PIP4K2A: variants seen among roughly 807,000 people sequenced by gnomAD.
PIP4K2A encodes the protein phosphatidylinositol-5-phosphate 4-kinase type 2 alpha, also known as phosphatidylinositol 5-phosphate 4-kinase type-2 alpha.
PIP4K2A carries 14 observed loss-of-function variants against 42.9 expected under a neutral mutation model. That is an observed-to-expected ratio of 0.33 (90% CI 0.22 to 0.51). The LOEUF (loss-of-function observed/expected upper bound fraction) is 0.51. PIP4K2A is among the 20% of genes least tolerant of loss of function. The pLI is 0.97. For synonymous variants in PIP4K2A, 192 were observed against 192.2 expected (o/e 1.00, Z 0.01); for missense variants, 434 against 519.8 (o/e 0.83, Z 1.61).
At chr10:22,639,438 G>A (rs1254501928) in intron 1 of PIP4K2A, among the ~76,000 whole-genome samples, 2 of 148,026 alleles carry the variant, frequency 1.4e-5, no homozygotes, top group Admixed American at 1.3e-4. Context: ...CTCCATTTGA[G>A]AATTAGGATT....
At chr10:22,632,712 G>T (rs1288677182) in intron 1 of PIP4K2A, among the ~76,000 whole-genome samples, 1 of 152,022 alleles carries the variant, frequency 6.6e-6, no homozygotes, top group African/African-American at 2.4e-5. Flanking sequence ...TCCATGACCT[G>T]CTGAACCAGC....
intron 6 of PIP4K2A, among the ~76,000 whole-genome samples, chr10:22,551,407 T>C (rs1836408205): frequency 6.6e-6 from 1 of 152,178 alleles, no homozygotes; most frequent in Non-Finnish European, 1.5e-5. Context: ...CATAAACGTA[T>C]TAAGATCAGA....
At chr10:22,541,773 T>C (rs1836119854) in intron 8 of PIP4K2A, 31 bp downstream of exon 8, 3 of 1,505,422 alleles carry the variant, frequency 2.0e-6, no homozygotes, top group Non-Finnish European at 1.8e-6. Context: ...CCACTTCACA[T>C]GCAAAAAGGG....
chr10:22,688,835 T>C (rs1839808291), intron 1 of PIP4K2A, among the ~76,000 whole-genome samples: 1 of 152,166 alleles, frequency 6.6e-6, no homozygotes, highest in South Asian at 2.1e-4. Context: ...GTACAATTAG[T>C]GGTTTATTAT....
intron 3 of PIP4K2A, among the ~76,000 whole-genome samples, chr10:22,597,709 G>C (rs963473303): frequency 4.0e-5 from 5 of 125,792 alleles, no homozygotes; most frequent in African/African-American, 2.0e-4. Context: ...GTTAAGACCA[G>C]CTCTGCATGG....
chr10:22,577,842 C>T (rs1837160460), intron 4 of PIP4K2A, among the ~76,000 whole-genome samples: 1 of 152,202 alleles, frequency 6.6e-6, no homozygotes, highest in Non-Finnish European at 1.5e-5. Flanking sequence ...AAAAACAAAA[C>T]ACAAAACGCC....
intron 1 of PIP4K2A, among the ~76,000 whole-genome samples, chr10:22,628,714 A>G (rs1389141547): frequency 6.6e-6 from 1 of 152,206 alleles, no homozygotes; most frequent in African/African-American, 2.4e-5. Context: ...CTGATTGGCA[A>G]CTGGTTCAAA....
intron 1 of PIP4K2A, among the ~76,000 whole-genome samples, chr10:22,664,130 C>CATATATATATACATATATATATATACAT (rs1839282903): frequency 2.5e-5 from 1 of 40,216 alleles, no homozygotes; most frequent in East Asian, 4.2e-4. Context: ...TATATATATA[C>CATATATATATACATATATATATATACAT]ATATATATAT....
intron 6 of PIP4K2A, among the ~76,000 whole-genome samples, chr10:22,558,522 T>G (rs1836608896): frequency 6.6e-6 from 1 of 152,180 alleles, no homozygotes; most frequent in Non-Finnish European, 1.5e-5. Flanking sequence ...AAAGGCAAAT[T>G]AGTGGATACG....
chr10:22,574,440 TTCTG>T (rs1440386742), intron 4 of PIP4K2A, among the ~76,000 whole-genome samples: 12 of 119,412 alleles, frequency 1.0e-4, no homozygotes, highest in Admixed American at 2.3e-4. Context: ...ATTTTTCATT[TTCTG>T]TTTTTTTTTT....
At chr10:22,684,993 G>T (rs531436623) in intron 1 of PIP4K2A, among the ~76,000 whole-genome samples, 1 of 152,214 alleles carries the variant, frequency 6.6e-6, no homozygotes, top group East Asian at 1.9e-4. Flanking sequence ...TGTGGAACCC[G>T]TGCAATAACA....
chr10:22,655,981 T>C (rs994069213), intron 1 of PIP4K2A, among the ~76,000 whole-genome samples: 13 of 152,158 alleles, frequency 8.5e-5, no homozygotes, highest in Admixed American at 8.5e-4. Context: ...CATTAGCATC[T>C]TGGGGGAATC....
chr10:22,657,622 A>G (rs1186063103), intron 1 of PIP4K2A, among the ~76,000 whole-genome samples: 1 of 152,250 alleles, frequency 6.6e-6, no homozygotes, highest in Admixed American at 6.5e-5. Context: ...ATGGTAAACC[A>G]AAGAGTCTTT....
At chr10:22,611,382 CA>C (rs1838034147) in intron 1 of PIP4K2A, among the ~76,000 whole-genome samples, 1 of 147,944 alleles carries the variant, frequency 6.8e-6, no homozygotes, top group Non-Finnish European at 1.5e-5. Flanking sequence ...AGAGTGGATC[CA>C]TGTCTGTTAA....
intron 1 of PIP4K2A, among the ~76,000 whole-genome samples, chr10:22,647,795 G>A (rs1411435865): frequency 6.6e-6 from 1 of 152,126 alleles, no homozygotes; most frequent in Non-Finnish European, 1.5e-5. Context: ...ATGAAAACAG[G>A]CTACTGGCAA....
Position 22,573,469 on chromosome 10 carries a change from A to G in PIP4K2A, c.493-12T>C. On this transcript the variant is annotated splice_polypyrimidine_tract_variant and intron_variant, in intron 4 of 9. Transcript: ENST00000376573. ...CATTCCACTATGTACTGCATAGGAG[A>G]GAAAGAAAAAGGAAAAAAACATCCA... The G allele has an allele frequency of 1.3e-6, 2 of 1,594,954 alleles. No homozygotes were observed. Among genetic ancestry groups the G allele is most frequent in the Non-Finnish European group, 1.7e-6 (2 of 1,173,354 alleles).
chr10:22,672,407 A>G (rs1051988117), intron 1 of PIP4K2A, among the ~76,000 whole-genome samples: 2 of 152,256 alleles, frequency 1.3e-5, no homozygotes, highest in East Asian at 1.9e-4. Flanking sequence ...GGATAAAGAG[A>G]TTTGTCTATA....
chr10:22,630,110 G>A (rs1781405584), intron 1 of PIP4K2A, among the ~76,000 whole-genome samples: 1 of 151,848 alleles, frequency 6.6e-6, no homozygotes, highest in Non-Finnish European at 1.5e-5. Flanking sequence ...GGCCAAGGAG[G>A]GAAGACGCTT....
At chr10:22,668,844 T>G (rs1307270543) in intron 1 of PIP4K2A, among the ~76,000 whole-genome samples, 1 of 152,180 alleles carries the variant, frequency 6.6e-6, no homozygotes, top group Non-Finnish European at 1.5e-5. Flanking sequence ...AAGCAAAACA[T>G]GGTTTGGGCT....
Sources: allele counts gnomAD v4.1 joint callset (sites outside exome capture counted in the v4.1 genomes callset), GRCh38; gene constraint gnomAD v4.1.1; transcripts MANE v1.5; gene names NCBI Gene and HGNC (gene_info 2026-07-23, HGNC 2026-07-21).